Variants in TMEM150C observed in about 807,000 individuals in gnomAD.
TMEM150C encodes transmembrane protein 150C.
Under a neutral mutation model 29.9 loss-of-function variants are expected in TMEM150C, and 10 were observed. The ratio of observed to expected loss-of-function variants is 0.33; its 90% CI spans 0.21 to 0.57. The LOEUF is 0.57. TMEM150C is among the 20% of genes least tolerant of loss of function. The probability of loss-of-function intolerance (pLI) is 0.88; values close to 1 mark genes in which losing one functional copy is unlikely to be tolerated. For synonymous variants in TMEM150C, 101 were observed against 112.5 expected (o/e 0.90, Z 0.64); for missense variants, 251 against 303.6 (o/e 0.83, Z 1.29).
chr4:82,532,646 A>C (rs1724882839), intron 1 of TMEM150C, among the ~76,000 whole-genome samples: 1 of 152,164 alleles, frequency 6.6e-6, no homozygotes, highest in South Asian at 2.1e-4. Flanking sequence ...ATAATTGTAT[A>C]TACATAGAAC....
At chr4:82,525,616 C>G (rs1452747044) in intron 1 of TMEM150C, among the ~76,000 whole-genome samples, 2 of 152,216 alleles carry the variant, frequency 1.3e-5, no homozygotes, top group African/African-American at 4.8e-5. Context: ...AGCCCTTTCT[C>G]TCTGGCAGAA....
At chr4:82,511,499 G>C (rs902143123) in intron 1 of TMEM150C, among the ~76,000 whole-genome samples, 2 of 54,688 alleles carry the variant, frequency 3.7e-5, no homozygotes, top group African/African-American at 1.2e-4. Context: ...TTTTGAGATA[G>C]GGTTTCACTC....
intron 1 of TMEM150C, among the ~76,000 whole-genome samples, chr4:82,550,507 A>G (rs72895799): frequency 2.2e-3 from 335 of 152,312 alleles, no homozygotes; most frequent in African/African-American, 7.6e-3. Flanking sequence ...AGGGTATGAA[A>G]GAGCTGGAAG....
intron 1 of TMEM150C, among the ~76,000 whole-genome samples, chr4:82,512,241 A>G (rs1329034274): frequency 6.6e-6 from 1 of 152,210 alleles, no homozygotes; most frequent in African/African-American, 2.4e-5. Context: ...TATGGCAGCC[A>G]TAATGTAACC....
chr4:82,515,393 T>C (rs765237920), intron 1 of TMEM150C, among the ~76,000 whole-genome samples: 4 of 152,194 alleles, frequency 2.6e-5, no homozygotes, highest in Non-Finnish European at 5.9e-5. Context: ...AATTTCATTT[T>C]ATAGATGACA....
At chr4:82,527,108 GT>G (rs1724681539) in intron 1 of TMEM150C, among the ~76,000 whole-genome samples, 2 of 139,098 alleles carry the variant, frequency 1.4e-5, no homozygotes, top group South Asian at 4.5e-4. Flanking sequence ...TTCAGCTTCA[GT>G]CATGTAGATA....
intron 1 of TMEM150C, among the ~76,000 whole-genome samples, chr4:82,521,855 C>A (rs764562126): frequency 1.3e-5 from 2 of 152,002 alleles, no homozygotes; most frequent in Non-Finnish European, 2.9e-5. Flanking sequence ...GGGCAATGGG[C>A]AGCACTGACT....
intron 1 of TMEM150C, among the ~76,000 whole-genome samples, chr4:82,535,678 T>C (rs1278762403): frequency 6.6e-6 from 1 of 152,222 alleles, no homozygotes; most frequent in Non-Finnish European, 1.5e-5. Context: ...GCCATTGACC[T>C]GGGATTGAGT....
intron 1 of TMEM150C, among the ~76,000 whole-genome samples, chr4:82,551,200 G>A (rs1208845104): frequency 2.6e-5 from 4 of 152,180 alleles, no homozygotes. Flanking sequence ...ATTCAGCAAT[G>A]AGACTTGTAG....
At chr4:82,519,152 C>T (rs1051131737) in intron 1 of TMEM150C, among the ~76,000 whole-genome samples, 100 of 152,286 alleles carry the variant, frequency 6.6e-4, no homozygotes, top group African/African-American at 1.9e-3. Flanking sequence ...CAAACCTGCT[C>T]GACAGAAATA....
At chr4:82,491,063 C>T (rs2110062829) in intron 6 of TMEM150C, 1 of 723,164 alleles carries the variant, frequency 1.4e-6, no homozygotes, top group South Asian at 1.4e-5. Context: ...CCAGTCTTGC[C>T]TTCCTCTTGA....
chr4:82,553,814 CTG>C (rs1218499204), intron 1 of TMEM150C, among the ~76,000 whole-genome samples: 2 of 152,208 alleles, frequency 1.3e-5, no homozygotes, highest in Non-Finnish European at 2.9e-5. Flanking sequence ...TTGATCATAA[CTG>C]TATCATTCTG....
chr4:82,535,532 A>C (rs1380788997), intron 1 of TMEM150C, among the ~76,000 whole-genome samples: 3 of 152,196 alleles, frequency 2.0e-5, no homozygotes, highest in Admixed American at 6.5e-5. Flanking sequence ...CCACAGGTAC[A>C]CCTCAGAGGT....
intron 1 of TMEM150C, among the ~76,000 whole-genome samples, chr4:82,560,031 G>A (rs1481914174): frequency 2.0e-5 from 3 of 152,056 alleles, no homozygotes; most frequent in Non-Finnish European, 2.9e-5. Flanking sequence ...CAGATAAAGT[G>A]AGCCCAAAAA....
chr4:82,556,383 G>A (rs1725738157), intron 1 of TMEM150C, among the ~76,000 whole-genome samples: 1 of 152,224 alleles, frequency 6.6e-6, no homozygotes, highest in Non-Finnish European at 1.5e-5. Flanking sequence ...CAATAAAAAG[G>A]ATGCACAGTG....
chr4:82,521,104 A>G (rs1724470389), intron 1 of TMEM150C, among the ~76,000 whole-genome samples: 1 of 152,190 alleles, frequency 6.6e-6, no homozygotes, highest in African/African-American at 2.4e-5. Context: ...AAGTCTTGGC[A>G]AAAATGGTAC....
intron 1 of TMEM150C, among the ~76,000 whole-genome samples, chr4:82,538,376 A>T (rs746113113): frequency 5.9e-5 from 9 of 152,202 alleles, no homozygotes; most frequent in African/African-American, 1.4e-4. Flanking sequence ...ATTTTATAAC[A>T]GCAGAAAGTT....
At chr4:82,547,439 A>C (rs1482243054) in intron 1 of TMEM150C, among the ~76,000 whole-genome samples, 1 of 151,968 alleles carries the variant, frequency 6.6e-6, no homozygotes, top group Non-Finnish European at 1.5e-5. Flanking sequence ...AAATACAAAA[A>C]TCAGCCGGGC....
chr4:82,528,935 C>T (rs1724744525), intron 1 of TMEM150C, among the ~76,000 whole-genome samples: 1 of 152,060 alleles, frequency 6.6e-6, no homozygotes, highest in Non-Finnish European at 1.5e-5. Flanking sequence ...TGGAGATGTA[C>T]AGAAGGCAGG....
Sources: allele counts gnomAD v4.1 joint callset (sites outside exome capture counted in the v4.1 genomes callset), GRCh38; gene constraint gnomAD v4.1.1; transcripts MANE v1.5; gene names NCBI Gene and HGNC (gene_info 2026-07-23, HGNC 2026-07-21).